The following URB2 variants were observed in gnomAD, a reference collection of about 807,000 sequenced individuals.
URB2 encodes the protein unhealthy ribosome biogenesis protein 2 homolog.
Under a neutral mutation model 120.9 loss-of-function variants are expected in URB2, and 86 were observed. The observed-to-expected ratio is 0.71, with a 90% confidence interval of 0.60 to 0.85. The LOEUF (loss-of-function observed/expected upper bound fraction) is 0.85. URB2 is among the 40% of genes least tolerant of loss of function. URB2 has a pLI of 0.00. For missense variants in URB2, 1,765 were observed against 1,836.5 expected, an observed-to-expected ratio of 0.96 and a Z score of 0.71; for synonymous variants, 755 against 758.4, an observed-to-expected ratio of 1.00 and a Z score of 0.07.
chr1:229,628,702 G>A (rs745864100), intron 2 of URB2, among the ~76,000 whole-genome samples: 3 of 152,196 alleles, frequency 2.0e-5, no homozygotes, highest in African/African-American at 7.2e-5. Context: ...AATGGGCTAG[G>A]TACCAAGAAA....
In URB2 at chr1:229,647,492, T is replaced by C; in HGVS notation, c.3907-18T>C. ...GGGAATTACTTTCATTTTTCCTTTATTTTATTTTGCCCTTTAGCTCTTAAA... is the reference window on the plus strand; with the variant it reads ...GGGAATTACTTTCATTTTTCCTTTACTTTATTTTGCCCTTTAGCTCTTAAA... On this transcript the variant is annotated intron_variant, in intron 6 of 9. Transcript: ENST00000258243. The C allele has an allele frequency of 6.2e-7, 1 of 1,606,396 alleles. No individual in the cohort carries two copies. Among genetic ancestry groups the C allele is most frequent in the South Asian group, 1.1e-5 (1 of 90,842 alleles).
At chr1:229,642,146 G>A (rs947634929) in intron 4 of URB2, among the ~76,000 whole-genome samples, 1 of 152,192 alleles carries the variant, frequency 6.6e-6, no homozygotes, top group African/African-American at 2.4e-5. Flanking sequence ...TAAAGGTGGG[G>A]GAGACGCCAT....
At chr1:229,658,135 C>T (rs2102803624) in intron 9 of URB2, among the ~76,000 whole-genome samples, 1 of 152,292 alleles carries the variant, frequency 6.6e-6, no homozygotes, top group East Asian at 1.9e-4. Context: ...CCATCACCAC[C>T]ATCTGTTCCC....
At position 229,643,555 on chromosome 1, in the gene URB2, C is replaced by G; in HGVS notation, c.3657C>G (p.Val1219=). Residue 1219 remains valine (V), a synonymous_variant, in exon 5 of 10, where the codon GTC becomes GTG. Transcript: ENST00000258243. The stretch of plus-strand genomic sequence containing the variant: ...CAGATCCTGAAATTCCTGTTCAGGT[C>G]ACTCAGGATATTGAGCCTCATTTGG... ...VLADPEIPVQ[V]TQDIEPHLGA... is the part of the protein sequence containing the mutation. The G allele has an allele frequency of 6.2e-7, 1 of 1,614,162 alleles. No individual in the cohort carries two copies. Among genetic ancestry groups the G allele is most frequent in the Non-Finnish European group, 8.5e-7 (1 of 1,180,024 alleles).
intron 8 of URB2, 84 bp from the exon 9 acceptor site, chr1:229,654,165 C>T: frequency 1.3e-6 from 2 of 1,559,326 alleles, no homozygotes; most frequent in South Asian, 1.2e-5. Context: ...AGATAATTTT[C>T]ACCCATATTA....
In URB2 at chr1:229,654,269, A is replaced by G. The variant is rs766482183; in HGVS notation, c.4258A>G (p.Thr1420Ala). 1.7e-5 allele frequency: 28 copies of G among 1,613,996 alleles called. No homozygotes were observed. Among genetic ancestry groups the G allele is most frequent in the Middle Eastern group, 3.3e-4 (2 of 6,084 alleles). ...TGTAGGAAGCATAGATGACCTGCCT[A>G]CGGTCCTAAAGTGTGCACGCCTGGT... ...KDKGSIDDLP[T>A]VLKCARLVER... Residue 1420 changes from threonine (T) to alanine (A), a missense_variant, in exon 9 of 10, where the codon ACG becomes GCG. Coordinates refer to ENST00000258243, the MANE Select transcript of URB2 (RefSeq NM_014777.4).
intron 8 of URB2, among the ~76,000 whole-genome samples, chr1:229,651,594 T>C (rs1017964442): frequency 3.3e-5 from 5 of 152,238 alleles, no homozygotes; most frequent in Non-Finnish European, 7.3e-5. Context: ...ACTGAGCATG[T>C]ATATCATGTA....
chr1:229,626,468 G>C (rs1665480334), intron 1 of URB2, 112 bp downstream of exon 1: 1 of 152,726 alleles, frequency 6.5e-6, no homozygotes, highest in Admixed American at 6.5e-5. Context: ...GGCCCAGATG[G>C]GGGGCCCCCC....
In URB2 at chr1:229,637,095, C is replaced by T. The variant is rs1467951003; in HGVS notation, c.2482C>T (p.Gln828Ter). 10 of 1,613,476 alleles carry T rather than the reference C, an allele frequency of 6.2e-6. No individual in the cohort carries two copies. The highest frequency in any genetic ancestry group is 1.6e-4 in the Middle Eastern group (1 of 6,062). ...CTCCAGCATTCTGTGTTCTGGTGCC[C>T]AGCGTGACTCAGGTCTTGTCAGTCA... is the stretch of plus-strand genomic sequence containing the variant. ...SCSSILCSGAQRDSGLVSQQL... is the reference protein window; with the variant it reads ...SCSSILCSGA Residue 828 changes from glutamine (Q) to a stop codon, truncating the protein, a stop_gained, in exon 4 of 10, where the codon CAG becomes TAG. Transcript: ENST00000258243. LOFTEE classifies it high-confidence loss of function.
intron 8 of URB2, among the ~76,000 whole-genome samples, chr1:229,652,055 T>TG (rs1325641937): frequency 2.2e-4 from 33 of 152,014 alleles, no homozygotes; most frequent in African/African-American, 7.7e-4. Flanking sequence ...GATGGTGGAC[T>TG]CCTGTAATCC....
rs746953930 is a variant in URB2 at position 229,659,308 on chromosome 1, C to T, written c.*11C>T. ...AGATATACGGCCTAAGGCTATGGGACAGAAGTGCCGCCAGTGACACTGTCC... is the reference window on the plus strand; with the variant it reads ...AGATATACGGCCTAAGGCTATGGGATAGAAGTGCCGCCAGTGACACTGTCC... On this transcript the variant is annotated 3_prime_UTR_variant, in exon 10 of 10. Transcript: ENST00000258243. The T allele has an allele frequency of 1.2e-6, 2 of 1,613,022 alleles. No individual in the cohort carries two copies. The highest frequency in any genetic ancestry group is 2.2e-5 in the East Asian group (1 of 44,870).
In URB2 at chr1:229,638,165, G is replaced by T. The variant is rs1302952169; in HGVS notation, c.3552G>T (p.Leu1184=). The change falls in exon 4 of 10, where the codon CTG becomes CTT. Residue 1184 remains leucine, a synonymous_variant. Transcript: ENST00000258243. ...AGGCAGCCTTGCAGTTTTTGACTCTGTTCTTTTTGGCCCCAGAACTGCATC... is the reference window on the plus strand; with the variant it reads ...AGGCAGCCTTGCAGTTTTTGACTCTTTTCTTTTTGGCCCCAGAACTGCATC... The part of the protein sequence containing the change: ...SFQAALQFLT[L]FFLAPELHPK... The T allele has an allele frequency of 1.2e-6, 2 of 1,614,046 alleles. No homozygotes were observed. The highest frequency in any genetic ancestry group is 1.7e-6 in the Non-Finnish European group (2 of 1,180,034).
At chr1:229,628,546 C>T (rs372850789) in intron 2 of URB2, among the ~76,000 whole-genome samples, 3 of 152,042 alleles carry the variant, frequency 2.0e-5, no homozygotes, top group African/African-American at 4.8e-5. Context: ...TTCTGAAAGT[C>T]CATTGATAGC....
In URB2 at chr1:229,638,193, A is replaced by C. The variant is rs1484764364; in HGVS notation, c.3580A>C (p.Lys1194Gln). 1.9e-6 allele frequency: 3 copies of C among 1,613,220 alleles called. No homozygotes were observed. The highest frequency in any genetic ancestry group is 2.2e-5 in the East Asian group (1 of 44,880). Residue 1194 changes from lysine to glutamine, a missense_variant, in exon 4 of 10, where the codon AAA becomes CAA. Lys to Gln is a moderately conservative substitution (Grantham distance 53). Transcript: ENST00000258243. ...CTTTTTGGCCCCAGAACTGCATCCC[A>C]AAAAGGACTCCGTGTTTACCTCCAT... ...LFFLAPELHP[K>Q]KDSVFTSMFH...
chr1:229,641,740 T>TAAAAA (rs1666016449), intron 4 of URB2, among the ~76,000 whole-genome samples: 2 of 152,202 alleles, frequency 1.3e-5, no homozygotes, highest in Non-Finnish European at 2.9e-5. Context: ...AAAATGCTTC[T>TAAAAA]TGGCTGGGAG....
At chr1:229,643,479 G>C in intron 4 of URB2, 54 bp from the exon 5 acceptor site, 11 of 1,602,468 alleles carry the variant, frequency 6.9e-6, no homozygotes, top group Non-Finnish European at 9.4e-6. Context: ...ATGGCTACTT[G>C]GTAGTTTATT....
chr1:229,642,970 G>A (rs1346111602), intron 4 of URB2, among the ~76,000 whole-genome samples: 2 of 152,196 alleles, frequency 1.3e-5, no homozygotes, highest in Non-Finnish European at 2.9e-5. Context: ...CACGTATTTT[G>A]TGTATGTATT....
rs1183691020 is a variant in URB2 at position 229,635,350 on chromosome 1, T to A, written c.737T>A (p.Phe246Tyr). ...QIEAMFRGGI[F>Y]QPELLSSYKE... is the part of the protein sequence containing the mutation. ...GAGGCCATGTTCCGAGGAGGGATTTTTCAGCCTGAGCTACTGTCATCCTAC... is the reference window on the plus strand; with the variant it reads ...GAGGCCATGTTCCGAGGAGGGATTTATCAGCCTGAGCTACTGTCATCCTAC... Residue 246 changes from phenylalanine (F) to tyrosine (Y), a missense_variant, in exon 4 of 10, where the codon TTT (phenylalanine) becomes TAT (tyrosine). By Grantham distance (22) the Phe-to-Tyr change is conservative. Transcript: ENST00000258243. 6 of 1,614,166 alleles carry A rather than the reference T, an allele frequency of 3.7e-6. No individual in the cohort carries two copies. In the East Asian group the frequency reaches 1.1e-4, roughly 30 times the overall value.
intron 7 of URB2, among the ~76,000 whole-genome samples, chr1:229,648,995 G>C (rs540517407): frequency 6.6e-6 from 1 of 152,160 alleles, no homozygotes; most frequent in Non-Finnish European, 1.5e-5. Flanking sequence ...AATGAATCCT[G>C]TAGACAGTTG....
Sources: allele counts gnomAD v4.1 joint callset (sites outside exome capture counted in the v4.1 genomes callset), GRCh38; gene constraint gnomAD v4.1.1; transcripts MANE v1.5; gene names NCBI Gene and HGNC (gene_info 2026-07-23, HGNC 2026-07-21).